The following UNC5C variants were observed in gnomAD, a reference collection of about 807,000 sequenced individuals.
UNC5C encodes unc-5 netrin receptor C.
In UNC5C, 47 loss-of-function variants were observed where a neutral mutation model predicts 99.8. The ratio of observed to expected loss-of-function variants is 0.47; its 90% confidence interval spans 0.37 to 0.60. The LOEUF is 0.60. Among genes scored for constraint, UNC5C ranks in the 20% least tolerant of loss-of-function variants. The pLI is 0.00. For missense variants in UNC5C, 1,062 were observed against 1,165.9 expected, an observed-to-expected ratio of 0.91 and a Z score of 1.30; for synonymous variants, 487 against 452.2, an observed-to-expected ratio of 1.08 and a Z score of -0.98.
At chr4:95,418,569 T>C (rs930086084) in intron 1 of UNC5C, among the ~76,000 whole-genome samples, 2 of 152,208 alleles carry the variant, frequency 1.3e-5, no homozygotes, top group African/African-American at 2.4e-5. Context: ...ATAATATTTA[T>C]AGTAACTTGA....
At chr4:95,280,743 A>G (rs971014898) in intron 3 of UNC5C, among the ~76,000 whole-genome samples, 3 of 152,086 alleles carry the variant, frequency 2.0e-5, no homozygotes, top group Non-Finnish European at 2.9e-5. Context: ...CAGAGTTATC[A>G]TAACTTTAAA....
At chr4:95,512,858 A>G (rs1722114744) in intron 1 of UNC5C, among the ~76,000 whole-genome samples, 3 of 152,230 alleles carry the variant, frequency 2.0e-5, no homozygotes, top group South Asian at 4.1e-4. Context: ...ATTAATTTCC[A>G]GGTAATGAAA....
chr4:95,304,637 C>T (rs1377690376), intron 2 of UNC5C, among the ~76,000 whole-genome samples: 1 of 152,046 alleles, frequency 6.6e-6, no homozygotes, highest in African/African-American at 2.4e-5. Context: ...TTATACATTC[C>T]CTCTTCATGG....
At chr4:95,476,807 A>T (rs1748164553) in intron 1 of UNC5C, among the ~76,000 whole-genome samples, 1 of 151,902 alleles carries the variant, frequency 6.6e-6, no homozygotes, top group Non-Finnish European at 1.5e-5. Context: ...TACTATTCTT[A>T]CTCCCAGTTT....
At chr4:95,192,472 T>G (rs1368273737) in intron 12 of UNC5C, among the ~76,000 whole-genome samples, 1 of 109,264 alleles carries the variant, frequency 9.2e-6, no homozygotes, top group Non-Finnish European at 1.8e-5. Context: ...GTTCACCTCC[T>G]CCCCTTCTCA....
chr4:95,278,411 C>T, intron 3 of UNC5C, 49 bp from the exon 4 acceptor site: 4 of 1,503,052 alleles, frequency 2.7e-6, no homozygotes, highest in Non-Finnish European at 3.7e-6. Context: ...ACAACATTTT[C>T]TCATTTACAG....
chr4:95,187,168 T>TGACA (rs1459427531), intron 12 of UNC5C, among the ~76,000 whole-genome samples: 3 of 152,188 alleles, frequency 2.0e-5, no homozygotes, highest in Non-Finnish European at 4.4e-5. Context: ...ACCTGGCACC[T>TGACA]GACAAATTCT....
intron 14 of UNC5C, among the ~76,000 whole-genome samples, chr4:95,173,357 G>A (rs1579196314): frequency 7.1e-6 from 1 of 140,630 alleles, no homozygotes. Context: ...TGCCCATTCA[G>A]TATGATATTG....
Position 95,422,023 on chromosome 4 carries a change from T to C in UNC5C, c.125-86392A>G, listed in dbSNP as rs571790751. 3.3e-5 allele frequency among the ~76,000 whole-genome samples: 5 copies of C among 152,262 alleles called. No homozygotes were observed. The East Asian group carries it at 7.7e-4, about 24-fold the overall frequency. The stretch of plus-strand genomic sequence containing the variant: ...ACAGCAAGGGCCAACAGAGCACATG[T>C]CAGATGTGCTGACTGGTCCCAAGAC... On this transcript the variant is annotated intron_variant, in intron 1 of 15. Transcript: ENST00000453304.
chr4:95,369,874 T>C (rs2149438238), intron 1 of UNC5C, among the ~76,000 whole-genome samples: 1 of 151,542 alleles, frequency 6.6e-6, no homozygotes, highest in East Asian at 1.9e-4. Context: ...TGGATAAAAC[T>C]GCTTTTTGTA....
chr4:95,307,985 A>G (rs1038107552), intron 2 of UNC5C, among the ~76,000 whole-genome samples: 1 of 152,242 alleles, frequency 6.6e-6, no homozygotes, highest in African/African-American at 2.4e-5. Flanking sequence ...ATAAAGCTAT[A>G]TATGACAAGC....
intron 4 of UNC5C, among the ~76,000 whole-genome samples, chr4:95,258,315 C>T (rs371323840): frequency 6.6e-6 from 1 of 152,158 alleles, no homozygotes; most frequent in Non-Finnish European, 1.5e-5. Flanking sequence ...CATTTCAATG[C>T]TTTTTGTTGA....
At chr4:95,434,355 T>A (rs966469388) in intron 1 of UNC5C, among the ~76,000 whole-genome samples, 1 of 152,126 alleles carries the variant, frequency 6.6e-6, no homozygotes, top group Non-Finnish European at 1.5e-5. Context: ...CATTCATTCA[T>A]ACATGTTTAC....
chr4:95,347,374 T>C lies in UNC5C; in HGVS notation c.125-11743A>G, dbSNP rs189531285. ...ATTCAATGCAATCCTTATCAAAATATCAATGACATTCTTCACAGAAATAGA... is the reference window on the plus strand; with the variant it reads ...ATTCAATGCAATCCTTATCAAAATACCAATGACATTCTTCACAGAAATAGA... On this transcript the variant is annotated intron_variant, in intron 1 of 15. Transcript: ENST00000453304. Among the ~76,000 whole-genome samples, 24 of 151,832 alleles carry C rather than the reference T, an allele frequency of 1.6e-4. No homozygotes were observed. The South Asian group carries it at 4.4e-3, about 28-fold the overall frequency.
At chr4:95,388,259 T>G (rs1422318530) in intron 1 of UNC5C, among the ~76,000 whole-genome samples, 1 of 152,172 alleles carries the variant, frequency 6.6e-6, no homozygotes, top group Non-Finnish European at 1.5e-5. Context: ...ATCTTTGCTA[T>G]AATTTGCAGA....
intron 2 of UNC5C, among the ~76,000 whole-genome samples, chr4:95,322,972 G>T (rs1370614757): frequency 6.6e-6 from 1 of 151,396 alleles, no homozygotes; most frequent in Non-Finnish European, 1.5e-5. Context: ...AAAGCCGAAG[G>T]TCAAATATTG....
At chr4:95,207,859 T>C (rs1443301656) in intron 10 of UNC5C, among the ~76,000 whole-genome samples, 1 of 152,226 alleles carries the variant, frequency 6.6e-6, no homozygotes, top group Non-Finnish European at 1.5e-5. Flanking sequence ...TTACAAAATA[T>C]TCTTACTTAG....
intron 1 of UNC5C, among the ~76,000 whole-genome samples, chr4:95,345,422 C>T (rs554367910): frequency 4.3e-4 from 65 of 152,038 alleles, no homozygotes; most frequent in African/African-American, 1.2e-3. Flanking sequence ...AACTGCAACA[C>T]CCTACTTTCA....
At chr4:95,220,459 C>G (rs865819687) in intron 7 of UNC5C, among the ~76,000 whole-genome samples, 1 of 152,070 alleles carries the variant, frequency 6.6e-6, no homozygotes, top group African/African-American at 2.4e-5. Context: ...GAACTAAAAC[C>G]ATCCCAACCC....
Sources: gnomAD v4.1 joint callset for allele counts (sites outside exome capture counted in the v4.1 genomes callset) on GRCh38, gnomAD v4.1.1 for gene constraint, MANE v1.5 for transcripts, NCBI Gene and HGNC (gene_info 2026-07-23, HGNC 2026-07-21) for gene names.